Variants in FAM161B observed in about 807,000 individuals in gnomAD.
The protein encoded by FAM161B is protein FAM161B.
Under a neutral mutation model 61.5 loss-of-function variants are expected in FAM161B, and 46 were observed. The ratio of observed to expected loss-of-function variants is 0.75; its 90% CI spans 0.59 to 0.96. The LOEUF (loss-of-function observed/expected upper bound fraction) is 0.96, where lower values mean the gene tolerates loss of function less well. FAM161B is among the 40% of genes least tolerant of loss of function. The pLI is 0.00. For missense variants in FAM161B, 774 were observed against 800.7 expected, an observed-to-expected ratio of 0.97 and a Z score of 0.40; for synonymous variants, 284 against 302.7, an observed-to-expected ratio of 0.94 and a Z score of 0.64.
At chr14:73,946,062 T>G (rs2056063557) in intron 2 of FAM161B, among the ~76,000 whole-genome samples, 1 of 152,182 alleles carries the variant, frequency 6.6e-6, no homozygotes, top group Non-Finnish European at 1.5e-5. Context: ...CTTTAATTAA[T>G]TCCAGTGCAT....
rs1426519197 is a variant in FAM161B at position 73,932,644 on chromosome 14, A to AGAT, written c.*1609_*1611dup. On this transcript the variant is annotated 3_prime_UTR_variant, in exon 9 of 9. Coordinates refer to ENST00000286544, the MANE Select transcript of FAM161B (RefSeq NM_152445.3). Reference sequence around the variant, plus strand: ...ATCCACTCATCATCATTATGATTTGAGATGGGGTCTTGCTCTGTCACCCAG... The same window carrying AGAT: ...ATCCACTCATCATCATTATGATTTGAGATGATGGGGTCTTGCTCTGTCACCCAG... 1.1e-5 allele frequency: 4 copies of AGAT among 371,734 alleles called. No homozygotes were observed. The highest frequency in any genetic ancestry group is 4.2e-5 in the African/African-American group (2 of 47,094). The allele number at this position is 371,734 out of a possible 1,614,324, so 23.0% of individuals were successfully genotyped here. A position where few individuals can be genotyped will look rare whatever the true frequency, so the allele number is the denominator to read the frequency against.
chr14:73,938,044 G>GGC lies in FAM161B; in HGVS notation c.1468_1469insGC (p.Ser490CysfsTer9). 6.2e-7 allele frequency: 1 copy of GGC among 1,614,090 alleles called. No individual in the cohort carries two copies. Among genetic ancestry groups the GGC allele is most frequent in the Non-Finnish European group, 8.5e-7 (1 of 1,179,958 alleles). On this transcript the variant is annotated frameshift_variant, in exon 6 of 9. Transcript: ENST00000286544. LOFTEE classifies it high-confidence loss of function. The stretch of plus-strand genomic sequence containing the variant: ...GGTCACAGATTTGGACATTGCTTGA[G>GGC]ACTTCTTTTTGTGTATCTCCAGCCA...
At position 73,932,581 on chromosome 14, in the gene FAM161B, G is replaced by A; in HGVS notation, c.*1675C>T. 10 of 410,278 alleles carry A rather than the reference G, an allele frequency of 2.4e-5. No homozygotes were observed. The highest frequency in any genetic ancestry group is 1.6e-4 in the South Asian group (9 of 54,900). The allele number at this position is 410,278 out of a possible 1,614,324, so 25.4% of individuals were successfully genotyped here. ...TGCTTTAGTTAGAGCAGGCACTCTT[G>A]CTATCAGTCATCCTGTCTCCACAGC... On this transcript the variant is annotated 3_prime_UTR_variant, in exon 9 of 9. Transcript: ENST00000286544.
At chr14:73,928,296 A>G (rs564089695), downstream of FAM161B, among the ~76,000 whole-genome samples, 1 of 152,308 alleles carries the variant, frequency 6.6e-6, no homozygotes, top group East Asian at 1.9e-4. Context: ...AGCAGTGTGT[A>G]CAAAGGTAGA....
At chr14:73,937,850 C>T in intron 6 of FAM161B, 98 bp downstream of exon 6, 1 of 1,576,910 alleles carries the variant, frequency 6.3e-7, no homozygotes, top group African/African-American at 1.4e-5. Flanking sequence ...CAGGAGCCTA[C>T]CTACCTCGAT....
intron 3 of FAM161B, among the ~76,000 whole-genome samples, chr14:73,943,908 GTAAA>G (rs2056040514): frequency 6.6e-6 from 1 of 152,208 alleles, no homozygotes. Context: ...TTGGAAATGT[GTAAA>G]TAATCATCCC....
chr14:73,936,961 C>G (rs1023499030), intron 7 of FAM161B, among the ~76,000 whole-genome samples: 60 of 152,254 alleles, frequency 3.9e-4, no homozygotes, highest in African/African-American at 1.4e-3. Flanking sequence ...AGTCCAACAT[C>G]CCTAAAAGTC....
Position 73,932,595 on chromosome 14 carries a change from T to C in FAM161B, c.*1661A>G. On this transcript the variant is annotated 3_prime_UTR_variant, in exon 9 of 9. Transcript: ENST00000286544. ...CAGGCACTCTTGCTATCAGTCATCC[T>C]GTCTCCACAGCTACTGAGAAAATAT... 2.5e-6 allele frequency: 1 copy of C among 394,924 alleles called. No homozygotes were observed. Among genetic ancestry groups the C allele is most frequent in the Non-Finnish European group, 4.9e-6 (1 of 203,432 alleles). The allele number at this position is 394,924 out of a possible 1,614,324, so 24.5% of individuals were successfully genotyped here.
chr14:73,926,675 T>G (rs1198983427), downstream of FAM161B, among the ~76,000 whole-genome samples: 1 of 152,170 alleles, frequency 6.6e-6, no homozygotes, highest in Non-Finnish European at 1.5e-5. Flanking sequence ...CCTCAAGTGA[T>G]CCACCCACCT....
In FAM161B at chr14:73,937,949, G is replaced by T. The variant is rs200623390; in HGVS notation, c.1564C>A (p.Arg522=). 7.4e-6 allele frequency: 12 copies of T among 1,614,044 alleles called. No homozygotes were observed. The highest frequency in any genetic ancestry group is 1.0e-5 in the Non-Finnish European group (12 of 1,180,030). Residue 522 remains arginine (R), a splice_region_variant and synonymous_variant, in exon 6 of 9, where the codon CGG becomes AGG. Transcript: ENST00000286544. ...EVFKAKLKEN[R]NNDRKRAKEY... ...TTTTGACACATAGAGGACACTGACC[G>T]GTTCTCTTTCAGCTTTGCTTTGAAC...
At position 73,937,680 on chromosome 14, in the gene FAM161B, C is replaced by A. The variant is rs140643345; in HGVS notation, c.1587G>T (p.Ala529=). 6.2e-7 allele frequency: 1 copy of A among 1,614,008 alleles called. No homozygotes were observed. ...KENRNNDRKR[A]KEYKKELEEM... ...CCTCCAGTTCTTTCTTATATTCTTT[C>A]GCTCTTTTACGGTCATTGTTCCTGG... Residue 529 remains alanine, a synonymous_variant, in exon 7 of 9, where the codon GCG becomes GCT. Transcript: ENST00000286544.
Position 73,934,080 on chromosome 14 carries a change from C to G in FAM161B, c.*176G>C. ...CAGATGATCTGCCTGCCTCAGCCTCCCAAAGTGTTGGGATTACAGGCGTGA... is the reference window on the plus strand; with the variant it reads ...CAGATGATCTGCCTGCCTCAGCCTCGCAAAGTGTTGGGATTACAGGCGTGA... On this transcript the variant is annotated 3_prime_UTR_variant, in exon 9 of 9. Transcript: ENST00000286544. 3 of 666,668 alleles carry G rather than the reference C, an allele frequency of 4.5e-6. No homozygotes were observed. The highest frequency in any genetic ancestry group is 7.1e-6 in the Non-Finnish European group (3 of 424,372). 41.3% of individuals were successfully genotyped at this position (666,668 alleles called of 1,614,324 possible).
In FAM161B at chr14:73,935,352, C is replaced by G. The variant is rs2055962423; in HGVS notation, c.1805+597G>C. On this transcript the variant is annotated intron_variant, in intron 8 of 8. Transcript: ENST00000286544. The stretch of plus-strand genomic sequence containing the variant: ...ACCATCCTGGCTAACATGGTGAAAC[C>G]CCGTCTCTACTAAAAATACACAAAA... Among the ~76,000 whole-genome samples, 4 of 151,838 alleles carry G rather than the reference C, an allele frequency of 2.6e-5. No homozygotes were observed. The South Asian group carries it at 8.3e-4, about 32-fold the overall frequency.
chr14:73,932,458 TCA>T lies in FAM161B; in HGVS notation c.*1796_*1797del. On this transcript the variant is annotated 3_prime_UTR_variant, in exon 9 of 9. Coordinates refer to ENST00000286544, the MANE Select transcript of FAM161B (RefSeq NM_152445.3). Reference sequence around the variant, plus strand: ...TTAAGCCCAGGTGATAGTTACTCTGTCACCACCAAAAAAGACGCATCTGAGAA... The same window carrying T: ...TTAAGCCCAGGTGATAGTTACTCTGTCCACCAAAAAAGACGCATCTGAGAA... 2.2e-6 allele frequency: 1 copy of T among 455,282 alleles called. No individual in the cohort carries two copies. Among genetic ancestry groups the T allele is most frequent in the Non-Finnish European group, 4.4e-6 (1 of 226,650 alleles). The allele number at this position is 455,282 out of a possible 1,614,324, so 28.2% of individuals were successfully genotyped here.
At chr14:73,925,212 A>G in the FAM161B span, among the ~76,000 whole-genome samples, 1 of 152,134 alleles carries the variant, frequency 6.6e-6, no homozygotes, top group Non-Finnish European at 1.5e-5. Context: ...GTTCTTTCCT[A>G]AGTCACTTTT....
intron 2 of FAM161B, among the ~76,000 whole-genome samples, chr14:73,945,730 T>C (rs1022746458): frequency 6.6e-6 from 1 of 151,540 alleles, no homozygotes; most frequent in Non-Finnish European, 1.5e-5. Context: ...GCCCGGCCCA[T>C]TTTTAAATTT....
At chr14:73,931,182 A>AT, downstream of FAM161B, among the ~76,000 whole-genome samples, 1 of 152,104 alleles carries the variant, frequency 6.6e-6, no homozygotes, top group Non-Finnish European at 1.5e-5. Flanking sequence ...TGGTTCCACC[A>AT]TTTCTGTTTT....
At chr14:73,943,878 C>T (rs1046233874) in intron 3 of FAM161B, among the ~76,000 whole-genome samples, 9 of 151,068 alleles carry the variant, frequency 6.0e-5, no homozygotes, top group African/African-American at 2.2e-4. Flanking sequence ...AGCCTGAGCC[C>T]CTTATTTGGA....
chr14:73,928,612 C>T (rs2055868274), downstream of FAM161B, among the ~76,000 whole-genome samples: 1 of 152,130 alleles, frequency 6.6e-6, no homozygotes, highest in Non-Finnish European at 1.5e-5. Context: ...GTGCTGCCCA[C>T]TTACAGCCTC....
Sources: allele counts gnomAD v4.1 joint callset (sites outside exome capture counted in the v4.1 genomes callset), GRCh38; gene constraint gnomAD v4.1.1; transcripts MANE v1.5; gene names NCBI Gene and HGNC (gene_info 2026-07-23, HGNC 2026-07-21).